Variants in MIPOL1 observed in about 807,000 individuals in gnomAD.
MIPOL1 encodes mirror-image polydactyly gene 1 protein.
In MIPOL1, 57 loss-of-function variants were observed where a neutral mutation model predicts 60.9. That is an observed-to-expected ratio of 0.94 (90% CI 0.76 to 1.17). The LOEUF is 1.17. MIPOL1 is among the 50% of genes most tolerant of loss of function. The pLI is 0.00. For missense variants in MIPOL1, 551 were observed against 511.6 expected (o/e 1.08, Z -0.74); for synonymous variants, 179 against 168.8 (o/e 1.06, Z -0.47).
intron 10 of MIPOL1, among the ~76,000 whole-genome samples, chr14:37,371,721 A>G (rs778676639): frequency 6.6e-6 from 1 of 152,176 alleles, no homozygotes; most frequent in African/African-American, 2.4e-5. Flanking sequence ...GAGAAGCTCT[A>G]AAGTTGTTCT....
intron 6 of MIPOL1, among the ~76,000 whole-genome samples, chr14:37,281,391 T>G (rs1392289102): frequency 6.6e-6 from 1 of 152,086 alleles, no homozygotes; most frequent in Non-Finnish European, 1.5e-5. Flanking sequence ...TACCATGCTG[T>G]TTTTTTGTTG....
chr14:37,551,986 C>T (rs2095562576), downstream of MIPOL1: 1 of 151,730 alleles, frequency 6.6e-6, no homozygotes. Flanking sequence ...AATTTTGCTT[C>T]AATAGCTGAA....
At chr14:37,339,042 C>T (rs1320712334) in intron 9 of MIPOL1, among the ~76,000 whole-genome samples, 5 of 152,256 alleles carry the variant, frequency 3.3e-5, no homozygotes, top group Non-Finnish European at 7.4e-5. Flanking sequence ...AATAAATTGG[C>T]AAGGTATAAC....
intron 1 of MIPOL1, among the ~76,000 whole-genome samples, chr14:37,244,316 T>A (rs1972837292): frequency 6.6e-6 from 1 of 151,616 alleles, no homozygotes; most frequent in Non-Finnish European, 1.5e-5. Flanking sequence ...AGAGACGGGG[T>A]TTCACCATGT....
At chr14:37,277,897 T>TA (rs2153400783) in intron 6 of MIPOL1, 1 of 151,590 alleles carries the variant, frequency 6.6e-6, no homozygotes, top group Non-Finnish European at 1.5e-5. Context: ...TTGAATCACA[T>TA]ATAGCATGTC....
chr14:37,462,714 AG>A (rs924172746), intron 11 of MIPOL1, among the ~76,000 whole-genome samples: 11 of 152,322 alleles, frequency 7.2e-5, no homozygotes, highest in African/African-American at 2.6e-4. Flanking sequence ...TCTCTAGGGC[AG>A]GGACAAAATG....
intron 3 of MIPOL1, among the ~76,000 whole-genome samples, chr14:37,258,753 G>T (rs768355583): frequency 3.3e-5 from 5 of 151,926 alleles, no homozygotes; most frequent in African/African-American, 1.2e-4. Flanking sequence ...AAATACTTAC[G>T]TACTTTAAAT....
intron 11 of MIPOL1, 143 bp downstream of exon 11, chr14:37,423,092 TC>T: frequency 1.7e-6 from 1 of 574,794 alleles, no homozygotes. Flanking sequence ...TAAAAAAGAT[TC>T]AGGCTTATAG....
intron 10 of MIPOL1, among the ~76,000 whole-genome samples, chr14:37,383,005 G>A (rs1488412729): frequency 6.6e-6 from 1 of 151,166 alleles, no homozygotes; most frequent in Non-Finnish European, 1.5e-5. Flanking sequence ...TCACAGTCTT[G>A]AAAAAAATTT....
intron 10 of MIPOL1, among the ~76,000 whole-genome samples, chr14:37,388,097 A>G (rs1566497072): frequency 6.6e-6 from 1 of 152,064 alleles, no homozygotes; most frequent in East Asian, 1.9e-4. Flanking sequence ...ACATTATGTA[A>G]CAATTCCTAA....
intron 9 of MIPOL1, among the ~76,000 whole-genome samples, chr14:37,326,835 G>A (rs554990742): frequency 6.6e-6 from 1 of 152,168 alleles, no homozygotes; most frequent in Non-Finnish European, 1.5e-5. Context: ...TCACCTTTTG[G>A]TGAGCACTCA....
chr14:37,254,076 T>C (rs1009215153), intron 3 of MIPOL1, among the ~76,000 whole-genome samples: 3 of 151,672 alleles, frequency 2.0e-5, no homozygotes, highest in Non-Finnish European at 4.4e-5. Flanking sequence ...TCTAGAATAT[T>C]TGAGAGAGTG....
Position 37,467,013 on chromosome 14 carries a change from ATG to A in MIPOL1, c.1032-32894_1032-32893del, listed in dbSNP as rs1349868699. 2.6e-5 allele frequency among the ~76,000 whole-genome samples: 4 copies of A among 152,218 alleles called. No homozygotes were observed. The East Asian group carries it at 7.7e-4, about 29-fold the overall frequency. ...TTCCTGGTGATCAAAACAAAAGTAA[ATG>A]ACATTCATCCTTATCATTAGCTACA... On this transcript the variant is annotated intron_variant, in intron 11 of 12. Coordinates refer to ENST00000684589, the MANE Select transcript of MIPOL1 (RefSeq NM_001388067.1).
chr14:37,519,108 G>T (rs2153629733), intron 12 of MIPOL1, among the ~76,000 whole-genome samples: 1 of 152,204 alleles, frequency 6.6e-6, no homozygotes, highest in Non-Finnish European at 1.5e-5. Context: ...ATTAATTCAA[G>T]CAAAGACCAT....
intron 3 of MIPOL1, among the ~76,000 whole-genome samples, chr14:37,263,494 C>T (rs1305306962): frequency 6.6e-6 from 1 of 152,112 alleles, no homozygotes; most frequent in African/African-American, 2.4e-5. Flanking sequence ...TGGTATGAGA[C>T]AGTAAATGCA....
chr14:37,511,970 A>T (rs2095331454), intron 12 of MIPOL1, among the ~76,000 whole-genome samples: 1 of 152,218 alleles, frequency 6.6e-6, no homozygotes, highest in Non-Finnish European at 1.5e-5. Flanking sequence ...AAGAACTTTC[A>T]TGCTTTCCAT....
intron 6 of MIPOL1, among the ~76,000 whole-genome samples, chr14:37,279,625 T>C (rs907414210): frequency 2.0e-5 from 3 of 152,114 alleles, no homozygotes; most frequent in Admixed American, 6.5e-5. Flanking sequence ...TTTTGTTTTA[T>C]TTTTAATTGA....
intron 9 of MIPOL1, among the ~76,000 whole-genome samples, chr14:37,340,706 A>C (rs576556340): frequency 1.6e-4 from 24 of 152,256 alleles, no homozygotes; most frequent in Admixed American, 4.6e-4. Flanking sequence ...AAAAAAAAAA[A>C]AAGTTACAGT....
chr14:37,471,107 A>G (rs1365305117), intron 11 of MIPOL1, among the ~76,000 whole-genome samples: 1 of 152,200 alleles, frequency 6.6e-6, no homozygotes, highest in Non-Finnish European at 1.5e-5. Context: ...ATAAATTTTT[A>G]AGTGTCTTTT....
Sources: gnomAD v4.1 joint callset for allele counts (sites outside exome capture counted in the v4.1 genomes callset) on GRCh38, gnomAD v4.1.1 for gene constraint, MANE v1.5 for transcripts, NCBI Gene and HGNC (gene_info 2026-07-23, HGNC 2026-07-21) for gene names.